The following HIVEP2 variants were observed in gnomAD, a reference collection of about 807,000 sequenced individuals.
The protein encoded by HIVEP2 is transcription factor HIVEP2.
In HIVEP2, 14 loss-of-function variants were observed where a neutral mutation model predicts 180.7. The ratio of observed to expected loss-of-function variants is 0.08; its 90% confidence interval spans 0.05 to 0.12. The LOEUF (loss-of-function observed/expected upper bound fraction) is 0.12. Among genes scored for constraint, HIVEP2 ranks in the 10% least tolerant of loss-of-function variants. The pLI is 1.00. For synonymous variants in HIVEP2, 1,184 were observed against 1,136.4 expected, an observed-to-expected ratio of 1.04 and a Z score of -0.84; for missense variants, 2,579 against 3,008.5, an observed-to-expected ratio of 0.86 and a Z score of 3.34.
chr6:142,889,609 C>A (rs991218805), intron 1 of HIVEP2, among the ~76,000 whole-genome samples: 5 of 152,142 alleles, frequency 3.3e-5, no homozygotes, highest in Non-Finnish European at 5.9e-5. Context: ...ATTACATAAC[C>A]TCTCTGAACC....
intron 1 of HIVEP2, among the ~76,000 whole-genome samples, chr6:142,852,320 C>A (rs1176503608): frequency 6.6e-6 from 1 of 152,088 alleles, no homozygotes; most frequent in Non-Finnish European, 1.5e-5. Flanking sequence ...AAAATGCTCA[C>A]AATAAACTCT....
chr6:142,807,761 A>C (rs1260067887), intron 2 of HIVEP2, among the ~76,000 whole-genome samples: 1 of 152,178 alleles, frequency 6.6e-6, no homozygotes, highest in Non-Finnish European at 1.5e-5. Flanking sequence ...GACTCCAAAG[A>C]GAGAGGCTAT....
intron 1 of HIVEP2, among the ~76,000 whole-genome samples, chr6:142,941,705 A>G (rs1778183832): frequency 1.3e-5 from 2 of 152,214 alleles, no homozygotes; most frequent in African/African-American, 4.8e-5. Flanking sequence ...AAGTTGAGTT[A>G]GCAAACTTCC....
At chr6:142,823,355 T>C (rs1245853308) in intron 2 of HIVEP2, among the ~76,000 whole-genome samples, 1 of 152,076 alleles carries the variant, frequency 6.6e-6, no homozygotes, top group African/African-American at 2.4e-5. Flanking sequence ...GCGACAACGG[T>C]TTAAGCCCCG....
intron 1 of HIVEP2, among the ~76,000 whole-genome samples, chr6:142,927,607 T>TCTCAACTA (rs1340685151): frequency 6.6e-6 from 1 of 152,206 alleles, no homozygotes. Flanking sequence ...AGTTATCCTA[T>TCTCAACTA]CTCAACTAAT....
In HIVEP2 at chr6:142,770,206, C is replaced by T. The variant is rs750093181; in HGVS notation, c.4533G>A (p.Gly1511=). 6.2e-7 allele frequency: 1 copy of T among 1,614,194 alleles called. No individual in the cohort carries two copies. The highest frequency in any genetic ancestry group is 1.7e-5 in the Admixed American group (1 of 60,024). The stretch of plus-strand genomic sequence containing the variant: ...GCGACAGCGAGGAGAAGGAAGATGA[C>T]CCTGACTGCAAGCCATCTTTTGGCT... ...ASEPKDGLQS[G]SSSFSSLSPS... Residue 1511 remains glycine, a synonymous_variant, in exon 5 of 10, where the codon GGG becomes GGA. Transcript: ENST00000367603. This position sits in a 1 kb window ranked among gnomAD's most constrained non-coding sequence, Gnocchi z 4.7.
chr6:142,769,129 C>T lies in HIVEP2; in HGVS notation c.5187+423G>A, dbSNP rs189411411. The stretch of plus-strand genomic sequence containing the variant: ...TAAGCCCTGCAGCATTTGCAAAGCT[C>T]GGTCCTCCTTCTTCGTCTTTCCTTT... On this transcript the variant is annotated intron_variant, in intron 5 of 9. Transcript: ENST00000367603. Among the ~76,000 whole-genome samples, 32 of 152,272 alleles carry T rather than the reference C, an allele frequency of 2.1e-4. 1 individual carries two copies. The highest frequency in any genetic ancestry group is 1.7e-3 in the Admixed American group (26 of 15,300).
chr6:142,881,394 A>C (rs538405799), intron 1 of HIVEP2, among the ~76,000 whole-genome samples: 2 of 152,340 alleles, frequency 1.3e-5, no homozygotes, highest in South Asian at 4.1e-4. Flanking sequence ...ATTCTGTAGC[A>C]AGTGAATTAA....
intron 1 of HIVEP2, among the ~76,000 whole-genome samples, chr6:142,885,427 G>C (rs1294448069): frequency 1.3e-5 from 2 of 151,734 alleles, no homozygotes; most frequent in Non-Finnish European, 1.5e-5. Context: ...CTGTCTTCAA[G>C]CATTCAGGGA....
In HIVEP2 at chr6:142,770,282, T is replaced by C; in HGVS notation, c.4457A>G (p.Asp1486Gly). ...VELTNSDIKK[D>G]LSRPQKPQLV... is the part of the protein sequence containing the mutation. ...CTGGGGTTTCTGGGGGCGGGAGAGG[T>C]CCTTTTTGATGTCTGAGTTGGTCAG... Residue 1486 changes from aspartate (D) to glycine (G), a missense_variant, in exon 5 of 10, where the codon GAC becomes GGC. Asp to Gly is a moderately conservative substitution (Grantham distance 94). This residue lies in a region of HIVEP2 where 349 missense variants were observed against 367.2 expected (regional missense o/e 0.95). Transcript: ENST00000367603. The surrounding 1 kb of genome is among the most constrained non-coding windows in gnomAD (Gnocchi z 4.7). The C allele has an allele frequency of 6.2e-7, 1 of 1,613,848 alleles. No individual in the cohort carries two copies. The highest frequency in any genetic ancestry group is 8.5e-7 in the Non-Finnish European group (1 of 1,179,970).
chr6:142,795,058 T>C (rs931863703), intron 2 of HIVEP2, among the ~76,000 whole-genome samples: 1 of 152,094 alleles, frequency 6.6e-6, no homozygotes, highest in Non-Finnish European at 1.5e-5. Flanking sequence ...TTAATTTGGG[T>C]TTCAGTCAGC....
intron 1 of HIVEP2, among the ~76,000 whole-genome samples, chr6:142,898,644 G>A (rs1340966856): frequency 6.6e-6 from 1 of 152,110 alleles, no homozygotes; most frequent in Non-Finnish European, 1.5e-5. Flanking sequence ...GCGACAGAGT[G>A]AAACTCCATC....
At chr6:142,851,303 C>T (rs1775666355) in intron 1 of HIVEP2, among the ~76,000 whole-genome samples, 1 of 152,130 alleles carries the variant, frequency 6.6e-6, no homozygotes, top group South Asian at 2.1e-4. Flanking sequence ...CACACAGGTA[C>T]ACCCCAAGCA....
At position 142,771,247 on chromosome 6, in the gene HIVEP2, C is replaced by A; in HGVS notation, c.3492G>T (p.Gln1164His). ...GGATCAAGGGATTTCTCAAAGATTC[C>A]TGACTGTCCATGTGCATGATCTGTG... ...AQPQIMHMDSQESLRNPLIQP... is the reference protein window; with the variant it reads ...AQPQIMHMDSHESLRNPLIQP... The change falls in exon 5 of 10, where the codon CAG becomes CAT. Residue 1164 changes from glutamine to histidine, a missense_variant. This residue lies in a region of HIVEP2 where 523 missense variants were observed against 577.0 expected (regional missense o/e 0.91). Coordinates refer to ENST00000367603, the MANE Select transcript of HIVEP2 (RefSeq NM_006734.4). The surrounding 1 kb of genome is among the most constrained non-coding windows in gnomAD (Gnocchi z 5.4). The A allele has an allele frequency of 6.2e-7, 1 of 1,614,114 alleles. No homozygotes were observed. Among genetic ancestry groups the A allele is most frequent in the Non-Finnish European group, 8.5e-7 (1 of 1,180,028 alleles).
intron 1 of HIVEP2, among the ~76,000 whole-genome samples, chr6:142,860,508 A>G (rs1775948651): frequency 6.6e-6 from 1 of 152,136 alleles, no homozygotes; most frequent in Non-Finnish European, 1.5e-5. Flanking sequence ...ACAACTCACC[A>G]TAATATAGAA....
intron 2 of HIVEP2, among the ~76,000 whole-genome samples, chr6:142,832,808 A>C (rs1775125891): frequency 6.6e-6 from 1 of 152,230 alleles, no homozygotes; most frequent in African/African-American, 2.4e-5. Flanking sequence ...GTGATTGGGT[A>C]AACTTAACAA....
intron 1 of HIVEP2, among the ~76,000 whole-genome samples, chr6:142,875,431 T>C (rs974952001): frequency 6.6e-6 from 1 of 152,138 alleles, no homozygotes; most frequent in Non-Finnish European, 1.5e-5. Flanking sequence ...AATGCATCTA[T>C]TAGATAATTT....
chr6:142,785,159 G>C (rs1160421247), intron 2 of HIVEP2, among the ~76,000 whole-genome samples: 1 of 151,688 alleles, frequency 6.6e-6, no homozygotes, highest in Non-Finnish European at 1.5e-5. Flanking sequence ...AAAGTGCCGG[G>C]ATTACAGGCG....
rs535545798 is a variant in HIVEP2, at chr6:142,869,419, G to A, written c.-640-32372C>T. ...CAACTATGTACAAATTTCTGACTCA[G>A]AATAAAAAAATTATTTCATAAAAAT... On this transcript the variant is annotated intron_variant, in intron 1 of 9. Transcript: ENST00000367603. Among the ~76,000 whole-genome samples the A allele has an allele frequency of 1.6e-4, 25 of 151,944 alleles. No homozygotes were observed. The South Asian group carries it at 5.2e-3, about 32-fold the overall frequency.
Sources: allele counts gnomAD v4.1 joint callset (sites outside exome capture counted in the v4.1 genomes callset), GRCh38; gene constraint gnomAD v4.1.1; regional missense constraint gnomAD v4.1.1; non-coding constraint Gnocchi (gnomAD v3.1); transcripts MANE v1.5; gene names NCBI Gene and HGNC (gene_info 2026-07-23, HGNC 2026-07-21).